CELSR1: variants seen among roughly 807,000 people sequenced by gnomAD.
CELSR1 encodes the protein cadherin EGF LAG seven-pass G-type receptor 1.
A neutral mutation model predicts 249.1 loss-of-function variants in CELSR1; 110 were observed. The observed-to-expected ratio is 0.44, with a 90% CI of 0.38 to 0.52. CELSR1 has a LOEUF of 0.52. CELSR1 is among the 20% of genes least tolerant of loss of function. CELSR1 has a pLI of 0.00. For missense variants in CELSR1, 4,109 were observed against 4,296.4 expected, an observed-to-expected ratio of 0.96 and a Z score of 1.22; for synonymous variants, 2,113 against 1,900.0, an observed-to-expected ratio of 1.11 and a Z score of -2.92.
intron 5 of CELSR1, among the ~76,000 whole-genome samples, chr22:46,425,939 G>C (rs1429355530): frequency 6.6e-6 from 1 of 152,188 alleles, no homozygotes. Context: ...CACTGCTTTA[G>C]CTGCAGCCCA....
rs1226960438 is a variant in CELSR1, at chr22:46,390,174, G to C, written c.6345+218C>G. ...AGACACAGAGCTGGGTCCTCTGGGG[G>C]AGAGAAGTCCACGTGGGGGTGCCTG... On this transcript the variant is annotated intron_variant, in intron 17 of 34. Coordinates refer to ENST00000674500, the MANE Select transcript of CELSR1 (RefSeq NM_001378328.1). This position sits in a 1 kb window ranked among gnomAD's most constrained non-coding sequence, Gnocchi z 6.3. Among the ~76,000 whole-genome samples the C allele has an allele frequency of 6.6e-6, 1 of 152,204 alleles. No individual in the cohort carries two copies. The highest frequency in any genetic ancestry group is 1.9e-4 in the East Asian group (1 of 5,196).
At chr22:46,392,947 A>G (rs1418012585) in intron 14 of CELSR1, among the ~76,000 whole-genome samples, 1 of 152,044 alleles carries the variant, frequency 6.6e-6, no homozygotes, top group East Asian at 1.9e-4. Context: ...CTATGCCACC[A>G]CCGCCATCTG....
In CELSR1 at chr22:46,506,970, G is replaced by C. The variant is rs2080521193; in HGVS notation, c.3544+26657C>G. 6.6e-6 allele frequency among the ~76,000 whole-genome samples: 1 copy of C among 152,168 alleles called. No individual in the cohort carries two copies. Among genetic ancestry groups the C allele is most frequent in the Non-Finnish European group, 1.5e-5 (1 of 68,038 alleles). On this transcript the variant is annotated intron_variant, in intron 1 of 34. Coordinates refer to ENST00000674500, the MANE Select transcript of CELSR1 (RefSeq NM_001378328.1). This position sits in a 1 kb window ranked among gnomAD's most constrained non-coding sequence, Gnocchi z 4.1. ...CCAGCACTTTGGGAGGCCGAGGCGG[G>C]TGGATCACCTGAGGTCAGGAGCCTG...
At chr22:46,400,615 T>C (rs1192514229) in intron 9 of CELSR1, among the ~76,000 whole-genome samples, 1 of 152,178 alleles carries the variant, frequency 6.6e-6, no homozygotes, top group Admixed American at 6.5e-5. Context: ...CACTCCAGCC[T>C]GGGAGACAAG....
intron 5 of CELSR1, among the ~76,000 whole-genome samples, chr22:46,415,565 T>G (rs6008811): frequency 0.055 from 8,292 of 151,912 alleles, 727 homozygotes; most frequent in African/African-American, 0.19. Flanking sequence ...CTGAATATAC[T>G]AGAAGCCCCT....
chr22:46,432,457 C>A (rs6008824), intron 5 of CELSR1, among the ~76,000 whole-genome samples: 37 of 152,128 alleles, frequency 2.4e-4, no homozygotes, highest in African/African-American at 8.9e-4. Context: ...CGGGGCACAG[C>A]GGGGGTGGCC....
chr22:46,414,623 C>T (rs1033580912), intron 5 of CELSR1, among the ~76,000 whole-genome samples: 6 of 147,804 alleles, frequency 4.1e-5, no homozygotes, highest in East Asian at 3.9e-4. Flanking sequence ...GTGGGTTTAA[C>T]GCGCAGGCTA....
In CELSR1 at chr22:46,430,332, G is replaced by T. The variant is rs978589239; in HGVS notation, c.4611+3061C>A. Among the ~76,000 whole-genome samples the T allele has an allele frequency of 6.6e-6, 1 of 152,200 alleles. No homozygotes were observed. The highest frequency in any genetic ancestry group is 1.5e-5 in the Non-Finnish European group (1 of 68,036). The stretch of plus-strand genomic sequence containing the variant: ...AAATGCAAAAACCAAAACCAGCGAG[G>T]TGGTGTGGCAGGTAAATGGAGCGTG... On this transcript the variant is annotated intron_variant, in intron 5 of 34. Coordinates refer to ENST00000674500, the MANE Select transcript of CELSR1 (RefSeq NM_001378328.1). This position sits in a 1 kb window ranked among gnomAD's most constrained non-coding sequence, Gnocchi z 4.6.
chr22:46,514,548 C>G (rs2147775900), intron 1 of CELSR1, among the ~76,000 whole-genome samples: 1 of 152,142 alleles, frequency 6.6e-6, no homozygotes, highest in South Asian at 2.1e-4. Flanking sequence ...CTGAGGACAC[C>G]CCAACAGCAT....
rs181078091 is a variant in CELSR1 at position 46,433,960 on chromosome 22, G to C, written c.4523-479C>G. 5.3e-5 allele frequency among the ~76,000 whole-genome samples: 8 copies of C among 152,318 alleles called. No individual in the cohort carries two copies. Among genetic ancestry groups the C allele is most frequent in the African/African-American group, 1.2e-4 (5 of 41,564 alleles). On this transcript the variant is annotated intron_variant, in intron 4 of 34. Transcript: ENST00000674500. This position sits in a 1 kb window ranked among gnomAD's most constrained non-coding sequence, Gnocchi z 5.7. Reference sequence around the variant, plus strand: ...GGCCTCCCAAACTGCTGGGATAACGGGCGTGAGCCACCGCGCCTGGCCTTG... The same window carrying C: ...GGCCTCCCAAACTGCTGGGATAACGCGCGTGAGCCACCGCGCCTGGCCTTG...
Position 46,454,643 on chromosome 22 carries a change from T to C in CELSR1, c.4183+9064A>G, listed in dbSNP as rs1425973617. ...CACTGACTCACATTCCACACCTAGT[T>C]CAGCTCGCCCACCTCCAAGCTGTCC... On this transcript the variant is annotated intron_variant, in intron 2 of 34. Coordinates refer to ENST00000674500, the MANE Select transcript of CELSR1 (RefSeq NM_001378328.1). This position sits in a 1 kb window ranked among gnomAD's most constrained non-coding sequence, Gnocchi z 5.1. Among the ~76,000 whole-genome samples the C allele has an allele frequency of 6.6e-6, 1 of 152,226 alleles. No individual in the cohort carries two copies. The highest frequency in any genetic ancestry group is 2.4e-5 in the African/African-American group (1 of 41,464).
At chr22:46,487,696 T>G (rs530671500) in intron 1 of CELSR1, among the ~76,000 whole-genome samples, 1 of 2,586 alleles carries the variant, frequency 3.9e-4, no homozygotes. Flanking sequence ...AGATTGGAGG[T>G]ATGGGGGAGG....
In CELSR1 at chr22:46,407,449, G is replaced by A. The variant is rs1019733927; in HGVS notation, c.5226+1547C>T. On this transcript the variant is annotated intron_variant, in intron 9 of 34. Transcript: ENST00000674500. The surrounding 1 kb of genome is among the most constrained non-coding windows in gnomAD (Gnocchi z 4.8). Reference sequence around the variant, plus strand: ...GTTCGAGACCAGCCTGGTCAACATAGCAAAACCCTGTCTCTACTAAAAATA... The same window carrying A: ...GTTCGAGACCAGCCTGGTCAACATAACAAAACCCTGTCTCTACTAAAAATA... Among the ~76,000 whole-genome samples the A allele has an allele frequency of 1.3e-5, 2 of 152,094 alleles. No homozygotes were observed. The highest frequency in any genetic ancestry group is 4.8e-5 in the African/African-American group (2 of 41,416).
At chr22:46,521,566 A>C (rs1035917696) in intron 1 of CELSR1, among the ~76,000 whole-genome samples, 10 of 151,930 alleles carry the variant, frequency 6.6e-5, no homozygotes, top group African/African-American at 1.9e-4. Context: ...CTGTAATCCC[A>C]ACACTTTGGG....
intron 5 of CELSR1, among the ~76,000 whole-genome samples, chr22:46,424,637 G>A (rs2079517015): frequency 6.6e-6 from 1 of 152,080 alleles, no homozygotes; most frequent in African/African-American, 2.4e-5. Flanking sequence ...CCAATCCCAG[G>A]CAACCACTAC....
At chr22:46,388,852 C>T (rs541093569) in intron 18 of CELSR1, among the ~76,000 whole-genome samples, 2 of 152,182 alleles carry the variant, frequency 1.3e-5, no homozygotes, top group South Asian at 2.1e-4. Flanking sequence ...TGGGAGTGGA[C>T]ATGGGGGCCC....
At chr22:46,452,756 G>T (rs2079900988) in intron 2 of CELSR1, among the ~76,000 whole-genome samples, 2 of 152,226 alleles carry the variant, frequency 1.3e-5, no homozygotes, top group Non-Finnish European at 2.9e-5. Context: ...CTACCTAGAG[G>T]GGACAGGGCC....
At position 46,394,531 on chromosome 22, in the gene CELSR1, T is replaced by A. The variant is rs375090455; in HGVS notation, c.5844-269A>T. On this transcript the variant is annotated intron_variant, in intron 13 of 34. Transcript: ENST00000674500. ...CACGTCCACATGATGCCTGACTCAT[T>A]GGGGCTTAATGACAATGAACCCCCA... Among the ~76,000 whole-genome samples the A allele has an allele frequency of 3.3e-5, 5 of 152,336 alleles. No individual in the cohort carries two copies. The East Asian group carries it at 7.7e-4, about 24-fold the overall frequency.
intron 9 of CELSR1, among the ~76,000 whole-genome samples, chr22:46,404,958 G>T (rs2079249578): frequency 1.3e-5 from 2 of 151,548 alleles, no homozygotes; most frequent in Non-Finnish European, 2.9e-5. Flanking sequence ...CGGAGTAGCT[G>T]GGATTACAGG....
Sources: gnomAD v4.1 joint callset for allele counts (sites outside exome capture counted in the v4.1 genomes callset) on GRCh38, gnomAD v4.1.1 for gene constraint, Gnocchi (gnomAD v3.1) non-coding constraint, MANE v1.5 for transcripts, NCBI Gene and HGNC (gene_info 2026-07-23, HGNC 2026-07-21) for gene names.